Variants in PLXNB3 observed in about 807,000 individuals in gnomAD.
PLXNB3 encodes plexin-B3.
Under a neutral mutation model 125.7 loss-of-function variants are expected in PLXNB3, and 80 were observed. That is an observed-to-expected ratio of 0.64 (90% CI 0.53 to 0.77). PLXNB3 has a LOEUF of 0.77. Ranked by LOEUF, PLXNB3 falls within the 30% of genes least tolerant of loss-of-function variation. PLXNB3 has a pLI of 0.00. For missense variants in PLXNB3, 1,836 were observed against 1,729.3 expected, an observed-to-expected ratio of 1.06 and a Z score of -1.09; for synonymous variants, 954 against 783.3, an observed-to-expected ratio of 1.22 and a Z score of -3.64.
chrX:153,775,397 T>C lies in PLXNB3; in HGVS notation c.4328T>C (p.Leu1443Pro). ...HYVHRNPKLM[L>P]RRTETMVEKL... The stretch of plus-strand genomic sequence containing the variant: ...GTGCACAGGAACCCCAAGCTCATGC[T>C]ACGCAGGTTGGCCTTGACCTGGACC... Residue 1443 changes from leucine (L) to proline (P), a missense_variant, in exon 25 of 36, where the codon CTA becomes CCA. Leu to Pro is a moderately conservative substitution (Grantham distance 98). Transcript: ENST00000361971. 1 of 1,205,553 alleles carries C rather than the reference T, an allele frequency of 8.3e-7. No individual in the cohort carries two copies. The highest frequency in any genetic ancestry group is 1.1e-6 in the Non-Finnish European group (1 of 892,576).
rs2092026228 is a variant in PLXNB3, at chrX:153,779,031, G to A, written c.5722G>A (p.Asp1908Asn). 14 of 1,178,922 alleles carry A rather than the reference G, an allele frequency of 1.2e-5. No homozygotes were observed. The highest frequency in any genetic ancestry group is 1.6e-5 in the Non-Finnish European group (14 of 876,311). ...CGCCCTGGTGGAAAACAAAGTGACTGACCTGTGAGCTCTGGCTCAGACAGC... is the reference window on the plus strand; with the variant it reads ...CGCCCTGGTGGAAAACAAAGTGACTAACCTGTGAGCTCTGGCTCAGACAGC... ...VAALVENKVT[D>N]L Residue 1908 changes from aspartate to asparagine, a missense_variant, in exon 36 of 36, where the codon GAC becomes AAC. Asp to Asn is a conservative substitution (Grantham distance 23). Coordinates refer to ENST00000361971, the MANE Select transcript of PLXNB3 (RefSeq NM_005393.3).
At position 153,765,477 on chromosome X, in the gene PLXNB3, G is replaced by GC. The variant is rs1347543269; in HGVS notation, c.-52dup. Reference sequence around the variant, plus strand: ...CTGTCTCCCTCCCACTCAGGACAATGCCCCCCCGCAGCCATCTCATGCCCA... The same window carrying GC: ...CTGTCTCCCTCCCACTCAGGACAATGCCCCCCCCGCAGCCATCTCATGCCCA... On this transcript the variant is annotated 5_prime_UTR_variant, in exon 2 of 36. An upstream open reading frame in the 5' UTR loses its in-frame stop. Coordinates refer to ENST00000361971, the MANE Select transcript of PLXNB3 (RefSeq NM_005393.3). 23 of 1,147,859 alleles carry GC rather than the reference G, an allele frequency of 2.0e-5. No homozygotes were observed. The highest frequency in any genetic ancestry group is 8.2e-6 in the Non-Finnish European group (7 of 855,761). The allele number at this position is 1,147,859 out of a possible 1,213,427, so 94.6% of individuals were successfully genotyped here. A position where few individuals can be genotyped will look rare whatever the true frequency, so the allele number is the denominator to read the frequency against.
chrX:153,768,128 T>C, intron 3 of PLXNB3, 121 bp from the exon 4 acceptor site: 1 of 849,243 alleles, frequency 1.2e-6, no homozygotes, highest in Non-Finnish European at 1.7e-6. Flanking sequence ...TCGGCCCTGA[T>C]TGCTGGGCCT....
At chrX:153,767,960 T>C in intron 3 of PLXNB3, 47 bp downstream of exon 3, 1 of 1,067,726 alleles carries the variant, frequency 9.4e-7, no homozygotes. Flanking sequence ...ATGGCTGGCA[T>C]CTTTCAGCAC....
chrX:153,768,383 G>T lies in PLXNB3; in HGVS notation c.1221G>T (p.Gly407=), dbSNP rs782365965. 8.3e-7 allele frequency: 1 copy of T among 1,208,586 alleles called. No individual in the cohort carries two copies. Among genetic ancestry groups the T allele is most frequent in the South Asian group, 1.8e-5 (1 of 56,850 alleles). ...CCGTGGCAGCTCTCCAGGCAGATGG[G>T]CACATGATAGCCTTCCTGGGGGACA... ...VSAVAALQAD[G]HMIAFLGDTQ... is the part of the protein sequence containing the mutation. Residue 407 remains glycine, a synonymous_variant, in exon 4 of 36, where the codon GGG becomes GGT. Coordinates refer to ENST00000361971, the MANE Select transcript of PLXNB3 (RefSeq NM_005393.3).
rs781918562 is a variant in PLXNB3, at chrX:153,775,309, G to A, written c.4240G>A (p.Gly1414Ser). The A allele has an allele frequency of 9.9e-6, 12 of 1,209,081 alleles. No individual in the cohort carries two copies. Among genetic ancestry groups the A allele is most frequent in the African/African-American group, 3.5e-5 (2 of 57,648 alleles). The stretch of plus-strand genomic sequence containing the variant: ...TTCGCTGCTGTCGCTAGCGCTACAC[G>A]GCAAGCTGGAGTACCTGACGGACAT... ...VASLLSLALHGKLEYLTDIMR... is the reference protein window; with the variant it reads ...VASLLSLALHSKLEYLTDIMR... The change falls in exon 25 of 36, where the codon GGC (glycine) becomes AGC (serine). Residue 1414 changes from glycine to serine, a missense_variant. Gly to Ser is a moderately conservative substitution (Grantham distance 56). Transcript: ENST00000361971.
rs1557061132 is a variant in PLXNB3 at position 153,770,187 on chromosome X, G to A, written c.1725G>A (p.Gly575=). The A allele has an allele frequency of 1.7e-6, 2 of 1,210,977 alleles. No individual in the cohort carries two copies. The highest frequency in any genetic ancestry group is 2.2e-5 in the Admixed American group (1 of 46,114). ...GDYDSLAHVE[G]PHVACVTPPQ... ...ATGACAGCTTGGCTCATGTGGAAGG[G>A]CCCCACGTGGCCTGTGTCACCCCTC... The change falls in exon 8 of 36, where the codon GGG becomes GGA. Residue 575 remains glycine, a synonymous_variant. Transcript: ENST00000361971.
At chrX:153,771,281 C>A in intron 12 of PLXNB3, 29 bp from the exon 13 acceptor site, 2 of 1,156,133 alleles carry the variant, frequency 1.7e-6, no homozygotes, top group Non-Finnish European at 2.4e-6. Context: ...TGAGTGGGCA[C>A]CCAGCCTGAC....
chrX:153,768,204 C>G, intron 3 of PLXNB3, 45 bp from the exon 4 acceptor site: 1 of 1,138,746 alleles, frequency 8.8e-7, no homozygotes, highest in Non-Finnish European at 1.2e-6. Flanking sequence ...CTGACTGCCT[C>G]TCTGCTCTCT....
chrX:153,769,315 A>C, intron 6 of PLXNB3, 53 bp downstream of exon 6: 1 of 1,008,634 alleles, frequency 9.9e-7, no homozygotes, highest in African/African-American at 1.9e-5. Flanking sequence ...GTGTGCCACG[A>C]GGCTGCCCCT....
intron 27 of PLXNB3, 71 bp downstream of exon 27, chrX:153,776,285 A>G: frequency 9.4e-7 from 1 of 1,062,664 alleles, no homozygotes; most frequent in African/African-American, 1.9e-5. Flanking sequence ...GAGCCCCTCA[A>G]CTGTGTCTTA....
chrX:153,776,158 A>G lies in PLXNB3; in HGVS notation c.4673A>G (p.Gln1558Arg). The G allele has an allele frequency of 8.3e-7, 1 of 1,199,398 alleles. No individual in the cohort carries two copies. Among genetic ancestry groups the G allele is most frequent in the Non-Finnish European group, 1.1e-6 (1 of 889,452 alleles). ...CAGGTCAAGGAGAAGGTGTTGGACC[A>G]AGTCTACAAGGGCACCCCCTTCTCC... ...ITQVKEKVLDQVYKGTPFSQR... is the reference protein window; with the variant it reads ...ITQVKEKVLDRVYKGTPFSQR... The change falls in exon 27 of 36, where the codon CAA (glutamine) becomes CGA (arginine). Residue 1558 changes from glutamine (Q) to arginine (R), a missense_variant. Physicochemically the swap from Gln to Arg is conservative, Grantham distance 43 (BLOSUM62 1). Coordinates refer to ENST00000361971, the MANE Select transcript of PLXNB3 (RefSeq NM_005393.3).
At chrX:153,768,725 G>C (rs1387776741) in intron 4 of PLXNB3, among the ~76,000 whole-genome samples, 1 of 112,169 alleles carries the variant, frequency 8.9e-6, no homozygotes, top group Non-Finnish European at 1.9e-5. Context: ...CCTGGTACAC[G>C]GGGCCTCACC....
At chrX:153,773,143 G>A in intron 17 of PLXNB3, 87 bp from the exon 18 acceptor site, 3 of 1,094,062 alleles carry the variant, frequency 2.7e-6, no homozygotes, top group East Asian at 3.1e-5. Context: ...GGCAGGCAAA[G>A]CAGGGCTTCT....
intron 1 of PLXNB3, among the ~76,000 whole-genome samples, chrX:153,764,564 G>T (rs782121235): frequency 6.5e-4 from 73 of 113,067 alleles, no homozygotes; most frequent in Non-Finnish European, 9.8e-4. Flanking sequence ...GTACAGGGTA[G>T]AGAGGCTGCC....
rs371199032 is a variant in PLXNB3 at position 153,773,594 on chromosome X, G to A, written c.3160G>A (p.Ala1054Thr). 1.2e-5 allele frequency: 15 copies of A among 1,205,720 alleles called. No individual in the cohort carries two copies. In the African/African-American group the frequency reaches 1.6e-4, roughly 13 times the overall value. ...GCCCCTACTGTCTGTGTGGCTGGAG[G>A]CTGACGCAGAGGTGCAGGCTTCCAG... ...QRPLLSVWLE[A>T]DAEVQASRAQ... Residue 1054 changes from alanine to threonine, a missense_variant, in exon 19 of 36, where the codon GCT becomes ACT. Ala to Thr is a moderately conservative substitution (Grantham distance 58, BLOSUM62 0). Coordinates refer to ENST00000361971, the MANE Select transcript of PLXNB3 (RefSeq NM_005393.3).
chrX:153,768,880 A>G, intron 4 of PLXNB3, 68 bp from the exon 5 acceptor site: 1 of 1,135,988 alleles, frequency 8.8e-7, no homozygotes, highest in Non-Finnish European at 1.2e-6. Flanking sequence ...CACTAGGAGG[A>G]GGGCGTGTCC....
chrX:153,777,826 C>T, intron 31 of PLXNB3, 122 bp from the exon 32 acceptor site: 1 of 1,074,011 alleles, frequency 9.3e-7, no homozygotes, highest in Non-Finnish European at 1.3e-6. Flanking sequence ...GTCACCTAGG[C>T]CACCAGGCCA....
rs782244585 is a variant in PLXNB3 at position 153,774,299 on chromosome X, G to A, written c.3633G>A (p.Ala1211=). The change falls in exon 21 of 36, where the codon GCG becomes GCA. Residue 1211 remains alanine, a synonymous_variant. Transcript: ENST00000361971. ...CCCACCTGTACTGCGAGCCGCCTGCGCACGCCCCGCAGCCTGCCAATGGCT... is the reference window on the plus strand; with the variant it reads ...CCCACCTGTACTGCGAGCCGCCTGCACACGCCCCGCAGCCTGCCAATGGCT... ...TRTHLYCEPP[A]HAPQPANGSG... The A allele has an allele frequency of 2.0e-5, 23 of 1,161,919 alleles. No homozygotes were observed. The highest frequency in any genetic ancestry group is 1.4e-4 in the African/African-American group (8 of 56,542).
Sources: allele counts gnomAD v4.1 joint callset (sites outside exome capture counted in the v4.1 genomes callset), GRCh38; gene constraint gnomAD v4.1.1; transcripts MANE v1.5; gene names NCBI Gene and HGNC (gene_info 2026-07-23, HGNC 2026-07-21).